KCNG3: variants seen among roughly 807,000 people sequenced by gnomAD.
KCNG3 encodes potassium voltage-gated channel modifier subfamily G member 3.
A neutral mutation model predicts 29.0 loss-of-function variants in KCNG3; 15 were observed. That is an observed-to-expected ratio of 0.52 (90% CI 0.35 to 0.80). The LOEUF is 0.80. Among genes scored for constraint, KCNG3 ranks in the 30% least tolerant of loss-of-function variants. The pLI is 0.01. For missense variants in KCNG3, 512 were observed against 605.7 expected (o/e 0.85, Z 1.62); for synonymous variants, 322 against 248.9 (o/e 1.29, Z -2.76).
chr2:42,440,166 G>A (rs116470777), downstream of KCNG3, among the ~76,000 whole-genome samples: 2,977 of 152,174 alleles, frequency 0.02, 86 homozygotes, highest in African/African-American at 0.067. Flanking sequence ...AAATAGACCA[G>A]AAGGTTTCCA....
At chr2:42,450,379 A>C (rs1230450425) in intron 1 of KCNG3, among the ~76,000 whole-genome samples, 1 of 152,096 alleles carries the variant, frequency 6.6e-6, no homozygotes, top group Admixed American at 6.6e-5. Context: ...CTAGCAACAA[A>C]CACCACCAAG....
chr2:42,452,916 G>A (rs1393345857), intron 1 of KCNG3, among the ~76,000 whole-genome samples: 1 of 152,084 alleles, frequency 6.6e-6, no homozygotes, highest in Non-Finnish European at 1.5e-5. Context: ...TGAGCAGCTG[G>A]GACTACAGGT....
At chr2:42,451,819 G>A (rs951445879) in intron 1 of KCNG3, among the ~76,000 whole-genome samples, 1 of 151,892 alleles carries the variant, frequency 6.6e-6, no homozygotes, top group African/African-American at 2.4e-5. Context: ...AGGATCCCCT[G>A]AGCCCAGGAG....
intron 1 of KCNG3, among the ~76,000 whole-genome samples, chr2:42,478,399 A>T (rs528548073): frequency 1.3e-5 from 2 of 151,694 alleles, no homozygotes; most frequent in Non-Finnish European, 2.9e-5. Flanking sequence ...TGCCTAGCTA[A>T]TTTTCTTAAT....
intron 1 of KCNG3, among the ~76,000 whole-genome samples, chr2:42,477,435 T>A (rs368757329): frequency 0.061 from 5,205 of 84,922 alleles, 187 homozygotes; most frequent in East Asian, 0.24. Flanking sequence ...ATATTTTTTT[T>A]TTTTTTTTTT....
In KCNG3 at chr2:42,448,363, ATTTATTTAT is replaced by A. The variant is rs1252120105; in HGVS notation, c.666-3793_666-3785del. Among the ~76,000 whole-genome samples, 3 of 151,010 alleles carry A rather than the reference ATTTATTTAT, an allele frequency of 2.0e-5. No individual in the cohort carries two copies. In the East Asian group the frequency reaches 5.8e-4, roughly 29 times the overall value. On this transcript the variant is annotated intron_variant, in intron 1 of 1. Transcript: ENST00000306078. ...TTCCCACTTATTTATTTATTTATTT[ATTTATTTAT>A]TTATTTATTTATTTTTTGTATGGCA...
At chr2:42,476,837 T>G (rs1009449551) in intron 1 of KCNG3, among the ~76,000 whole-genome samples, 1 of 151,304 alleles carries the variant, frequency 6.6e-6, no homozygotes, top group African/African-American at 2.4e-5. Flanking sequence ...CATATAACTT[T>G]GCAAAAGAAT....
At chr2:42,472,469 A>G (rs1228525464) in intron 1 of KCNG3, among the ~76,000 whole-genome samples, 2 of 152,152 alleles carry the variant, frequency 1.3e-5, no homozygotes, top group Non-Finnish European at 2.9e-5. Flanking sequence ...AAGGGATTTC[A>G]ATGGGAAAGA....
At chr2:42,439,715 C>G (rs1051910557), downstream of KCNG3, among the ~76,000 whole-genome samples, 1 of 151,316 alleles carries the variant, frequency 6.6e-6, no homozygotes, top group East Asian at 1.9e-4. Flanking sequence ...GGCGCGATCT[C>G]GGCTCACTGC....
chr2:42,457,775 C>T (rs1672916172), intron 1 of KCNG3, among the ~76,000 whole-genome samples: 1 of 151,096 alleles, frequency 6.6e-6, no homozygotes, highest in Non-Finnish European at 1.5e-5. Context: ...ATGATCACAC[C>T]ACTGCACTCC....
chr2:42,398,896 A>G, the KCNG3 span, among the ~76,000 whole-genome samples: 3 of 152,202 alleles, frequency 2.0e-5, no homozygotes, highest in Non-Finnish European at 4.4e-5. Flanking sequence ...GGGTGCCTCA[A>G]CCACTGGGAG....
chr2:42,481,824 C>A (rs1673591541), intron 1 of KCNG3, among the ~76,000 whole-genome samples: 1 of 152,160 alleles, frequency 6.6e-6, no homozygotes, highest in East Asian at 1.9e-4. Context: ...CTCCTGCATC[C>A]CTCCAGGACC....
Position 42,493,004 on chromosome 2 carries a change from C to G in KCNG3, c.498G>C (p.Ser166=), listed in dbSNP as rs932037263. The G allele has an allele frequency of 2.6e-6, 4 of 1,531,384 alleles. No individual in the cohort carries two copies. Among genetic ancestry groups the G allele is most frequent in the South Asian group, 2.4e-5 (2 of 82,020 alleles). The allele number at this position is 1,531,384 out of a possible 1,614,324, so 94.9% of individuals were successfully genotyped here. A position where few individuals can be genotyped will look rare whatever the true frequency, so the allele number is the denominator to read the frequency against. Reference sequence around the variant, plus strand: ...TAGCCAGGATCTGCGCGGCCAGCGACGACGTGGGCTCCTCGAAGGTCCGCC... The same window carrying G: ...TAGCCAGGATCTGCGCGGCCAGCGAGGACGTGGGCTCCTCGAAGGTCCGCC... The part of the protein sequence containing the change: ...RMRRTFEEPT[S]SLAAQILASV... Residue 166 remains serine (S), a synonymous_variant, in exon 1 of 2, where the codon TCG becomes TCC. Transcript: ENST00000306078.
At chr2:42,482,676 C>A (rs1446732015) in intron 1 of KCNG3, among the ~76,000 whole-genome samples, 2 of 152,070 alleles carry the variant, frequency 1.3e-5, no homozygotes, top group Non-Finnish European at 2.9e-5. Context: ...TTGCAGTGAG[C>A]TGAGATTGCA....
At chr2:42,463,194 C>A in intron 1 of KCNG3, 1 of 349,866 alleles carries the variant, frequency 2.9e-6, no homozygotes, top group Non-Finnish European at 5.4e-6. Flanking sequence ...GACGTTCTTG[C>A]CATCCAGCTG....
chr2:42,428,458 G>GAAAAAAAAAAAAA, the KCNG3 span, among the ~76,000 whole-genome samples: 31 of 104,454 alleles, frequency 3.0e-4, 2 homozygotes, highest in East Asian at 1.3e-3. Flanking sequence ...CCCGGTCTCG[G>GAAAAAAAAAAAAA]GAAAAAAAAA....
intron 1 of KCNG3, among the ~76,000 whole-genome samples, chr2:42,451,998 AG>A (rs1558375963): frequency 6.6e-6 from 1 of 152,100 alleles, no homozygotes. Flanking sequence ...CATTTATCTG[AG>A]TAAGAATTAA....
Position 42,452,243 on chromosome 2 carries a change from A to ATATATATATATAT in KCNG3, c.666-7665_666-7664insATATATATATATA. 6.1e-4 allele frequency among the ~76,000 whole-genome samples: 58 copies of ATATATATATATAT among 95,032 alleles called. 1 individual carries two copies. In the East Asian group the frequency reaches 0.016, roughly 26 times the overall value. 62.3% of individuals were successfully genotyped at this position (95,032 alleles called of 152,430 possible). A position where few individuals can be genotyped will look rare whatever the true frequency, so the allele number is the denominator to read the frequency against. ...TAAATATATATATATATATATATAT[A>ATATATATATATAT]TTTTTTTTTTTTTTTTAAAGGAAAC... On this transcript the variant is annotated intron_variant, in intron 1 of 1. Transcript: ENST00000306078.
chr2:42,427,676 AT>A, the KCNG3 span, among the ~76,000 whole-genome samples: 3 of 152,200 alleles, frequency 2.0e-5, no homozygotes, highest in South Asian at 6.2e-4. Context: ...TGCATAAGAT[AT>A]TTTTTAGTGC....
Sources: allele counts gnomAD v4.1 joint callset (sites outside exome capture counted in the v4.1 genomes callset), GRCh38; gene constraint gnomAD v4.1.1; transcripts MANE v1.5; gene names NCBI Gene and HGNC (gene_info 2026-07-23, HGNC 2026-07-21).